Variants in HIPK2 observed in about 807,000 individuals in gnomAD.
The protein encoded by HIPK2 is homeodomain-interacting protein kinase 2.
A neutral mutation model predicts 113.7 loss-of-function variants in HIPK2; 27 were observed. The ratio of observed to expected loss-of-function variants is 0.24; its 90% CI spans 0.17 to 0.33. The LOEUF (loss-of-function observed/expected upper bound fraction) is 0.33, where lower values mean the gene tolerates loss of function less well. Among genes scored for constraint, HIPK2 ranks in the 10% least tolerant of loss-of-function variants. The pLI is 1.00. For missense variants in HIPK2, 1,257 were observed against 1,588.0 expected, an observed-to-expected ratio of 0.79 and a Z score of 3.54; for synonymous variants, 631 against 642.2, an observed-to-expected ratio of 0.98 and a Z score of 0.26.
intron 9 of HIPK2, among the ~76,000 whole-genome samples, chr7:139,611,858 CAG>C (rs1799840572): frequency 6.6e-6 from 1 of 152,134 alleles, no homozygotes; most frequent in Non-Finnish European, 1.5e-5. Context: ...ACACCCATTA[CAG>C]AGTGTTATAC....
At chr7:139,620,070 G>T (rs1163944084) in intron 7 of HIPK2, among the ~76,000 whole-genome samples, 1 of 152,118 alleles carries the variant, frequency 6.6e-6, no homozygotes, top group Non-Finnish European at 1.5e-5. Context: ...GCCAGTTCTA[G>T]AATTCTTTAC....
intron 1 of HIPK2, among the ~76,000 whole-genome samples, chr7:139,769,255 C>T (rs1796608720): frequency 6.6e-6 from 1 of 151,880 alleles, no homozygotes; most frequent in Non-Finnish European, 1.5e-5. Context: ...GGCCGCAGTG[C>T]CTTCCACCGC....
At chr7:139,609,318 C>A (rs907876633) in intron 9 of HIPK2, among the ~76,000 whole-genome samples, 1 of 152,162 alleles carries the variant, frequency 6.6e-6, no homozygotes, top group Non-Finnish European at 1.5e-5. Flanking sequence ...ACCATTTCCA[C>A]CTGCCATGCA....
intron 1 of HIPK2, among the ~76,000 whole-genome samples, chr7:139,768,908 A>G (rs1476767706): frequency 6.6e-6 from 1 of 152,218 alleles, no homozygotes; most frequent in South Asian, 2.1e-4. Context: ...CCCAGCACAC[A>G]TAACATTGGA....
rs371011931 is a variant in HIPK2 at position 139,564,163 on chromosome 7, C to T, written c.*8764G>A. Reference sequence around the variant, plus strand: ...AGTCTAAGCTGGACAATGAGTAAAACGTAAACATAGCCTTTTACATTGATT... The same window carrying T: ...AGTCTAAGCTGGACAATGAGTAAAATGTAAACATAGCCTTTTACATTGATT... On this transcript the variant is annotated 3_prime_UTR_variant, in exon 15 of 15. Transcript: ENST00000406875. The T allele has an allele frequency of 3.1e-5, 12 of 392,410 alleles. No homozygotes were observed. Among genetic ancestry groups the T allele is most frequent in the South Asian group, 1.4e-4 (1 of 6,970 alleles). 24.3% of individuals were successfully genotyped at this position (392,410 alleles called of 1,614,324 possible).
In HIPK2 at chr7:139,573,176, G is replaced by A. The variant is rs757218007; in HGVS notation, c.3348C>T (p.Thr1116=). Residue 1116 remains threonine, a synonymous_variant, in exon 15 of 15, where the codon ACC becomes ACT. Coordinates refer to ENST00000406875, the MANE Select transcript of HIPK2 (RefSeq NM_022740.5). ...CTTGCGAGGCCACCAGGTGGGCCAC[G>A]GTGCCGGTGGAGCCCAGGGCCGCCG... is the stretch of plus-strand genomic sequence containing the variant. ...TAPAALGSTG[T]VAHLVASQGS... 1.9e-6 allele frequency: 3 copies of A among 1,609,042 alleles called. No homozygotes were observed. The highest frequency in any genetic ancestry group is 1.3e-5 in the African/African-American group (1 of 74,996).
chr7:139,698,816 C>G (rs2116833845), intron 2 of HIPK2, among the ~76,000 whole-genome samples: 1 of 152,268 alleles, frequency 6.6e-6, no homozygotes, highest in East Asian at 1.9e-4. Flanking sequence ...CAGTCTAGCT[C>G]CTTGACCAGG....
At chr7:139,685,374 G>C (rs112514851) in intron 2 of HIPK2, among the ~76,000 whole-genome samples, 10,248 of 152,056 alleles carry the variant, frequency 0.067, 516 homozygotes, top group African/African-American at 0.14. Context: ...TGTTGCCCAG[G>C]CTGGTCTCAA....
chr7:139,666,320 A>G (rs1802047797), intron 2 of HIPK2, among the ~76,000 whole-genome samples: 1 of 152,180 alleles, frequency 6.6e-6, no homozygotes, highest in Non-Finnish European at 1.5e-5. Context: ...CTGAGACTTG[A>G]GGAGCAGGGG....
intron 4 of HIPK2, among the ~76,000 whole-genome samples, chr7:139,629,958 C>T (rs551605874): frequency 6.6e-6 from 1 of 152,008 alleles, no homozygotes; most frequent in Non-Finnish European, 1.5e-5. Flanking sequence ...TGCTCAGTTC[C>T]CAAATCTCTT....
chr7:139,663,684 T>C (rs1203392803), intron 2 of HIPK2, among the ~76,000 whole-genome samples: 1 of 152,178 alleles, frequency 6.6e-6, no homozygotes, highest in Non-Finnish European at 1.5e-5. Context: ...AACAGGCTTT[T>C]GAGACATTAG....
intron 1 of HIPK2, among the ~76,000 whole-genome samples, chr7:139,724,700 G>C: frequency 1.0e-5 from 1 of 96,286 alleles, no homozygotes; most frequent in Non-Finnish European, 2.0e-5. Flanking sequence ...CCCCACAACA[G>C]TCCCCAGAGT....
At chr7:139,708,093 A>G (rs972024786) in intron 2 of HIPK2, among the ~76,000 whole-genome samples, 3 of 152,094 alleles carry the variant, frequency 2.0e-5, no homozygotes, top group African/African-American at 7.2e-5. Flanking sequence ...GGACAGCTCA[A>G]TGCCAGGCTG....
intron 1 of HIPK2, among the ~76,000 whole-genome samples, chr7:139,747,302 G>A (rs1796205460): frequency 6.6e-6 from 1 of 152,206 alleles, no homozygotes; most frequent in Non-Finnish European, 1.5e-5. Flanking sequence ...AATAAGTCTA[G>A]TATGACAGAC....
intron 6 of HIPK2, among the ~76,000 whole-genome samples, chr7:139,623,779 A>ACC: frequency 6.6e-6 from 1 of 152,016 alleles, no homozygotes; most frequent in African/African-American, 2.4e-5. Flanking sequence ...CAGCCTTGAG[A>ACC]CCCAGCCCCC....
intron 13 of HIPK2, among the ~76,000 whole-genome samples, chr7:139,579,488 C>T (rs777286352): frequency 1.3e-5 from 2 of 152,082 alleles, no homozygotes; most frequent in African/African-American, 2.4e-5. Context: ...TGATTGAATT[C>T]GGTTGGATCA....
chr7:139,724,959 T>G (rs1320578754), intron 1 of HIPK2, among the ~76,000 whole-genome samples: 1 of 152,032 alleles, frequency 6.6e-6, no homozygotes, highest in Non-Finnish European at 1.5e-5. Context: ...ACAGAATTCT[T>G]TTGTCAATAA....
chr7:139,762,670 T>C (rs964044821), intron 1 of HIPK2, among the ~76,000 whole-genome samples: 5 of 152,242 alleles, frequency 3.3e-5, no homozygotes, highest in African/African-American at 4.8e-5. Flanking sequence ...ATTTCCTCGA[T>C]TGCAGTTTCA....
chr7:139,728,195 A>AG (rs1795647212), intron 1 of HIPK2, among the ~76,000 whole-genome samples: 1 of 152,038 alleles, frequency 6.6e-6, no homozygotes, highest in Non-Finnish European at 1.5e-5. Flanking sequence ...CTCCTGCCTC[A>AG]CACTCTCAAG....
Sources: gnomAD v4.1 joint callset for allele counts (sites outside exome capture counted in the v4.1 genomes callset) on GRCh38, gnomAD v4.1.1 for gene constraint, MANE v1.5 for transcripts, NCBI Gene and HGNC (gene_info 2026-07-23, HGNC 2026-07-21) for gene names.